The following PPP2R2B variants were observed in gnomAD, a reference collection of about 807,000 sequenced individuals.
PPP2R2B encodes serine/threonine-protein phosphatase 2A 55 kDa regulatory subunit B beta isoform.
PPP2R2B carries 5 observed loss-of-function variants against 46.0 expected under a neutral mutation model. The ratio of observed to expected loss-of-function variants is 0.11; its 90% CI spans 0.06 to 0.23. The LOEUF (loss-of-function observed/expected upper bound fraction) is 0.23, where lower values mean the gene tolerates loss of function less well. PPP2R2B is among the 10% of genes least tolerant of loss of function. The probability of loss-of-function intolerance (pLI) is 1.00; values close to 1 mark genes in which losing one functional copy is unlikely to be tolerated. For synonymous variants in PPP2R2B, 215 were observed against 206.7 expected, an observed-to-expected ratio of 1.04 and a Z score of -0.34; for missense variants, 367 against 575.0, an observed-to-expected ratio of 0.64 and a Z score of 3.70.
At chr5:147,057,626 A>C (rs1197994210), upstream of PPP2R2B, among the ~76,000 whole-genome samples, 1 of 152,248 alleles carries the variant, frequency 6.6e-6, no homozygotes, top group African/African-American at 2.4e-5. Context: ...AAGAAGTGAG[A>C]CAATAGGCAT....
At chr5:146,618,789 C>T (rs943452923) in intron 7 of PPP2R2B, among the ~76,000 whole-genome samples, 4 of 152,140 alleles carry the variant, frequency 2.6e-5, no homozygotes, top group African/African-American at 4.8e-5. Context: ...ACCCATAAGC[C>T]GACACAGTTC....
intron 2 of PPP2R2B, among the ~76,000 whole-genome samples, chr5:146,807,776 CTTTTTTTTTTTTTTTTTTT>C (rs10583721): frequency 0.037 from 1,353 of 36,946 alleles, 37 homozygotes; most frequent in South Asian, 0.08. Context: ...GGGGTGCCTT[CTTTTTTTTTTTTTTTTTTT>C]TTTTTTTTTT....
intron 5 of PPP2R2B, among the ~76,000 whole-genome samples, chr5:146,677,009 A>G (rs1017793664): frequency 6.6e-6 from 1 of 151,514 alleles, no homozygotes; most frequent in Non-Finnish European, 1.5e-5. Flanking sequence ...TGTCACTTCT[A>G]TCTTAATCTC....
intron 2 of PPP2R2B, among the ~76,000 whole-genome samples, chr5:146,790,083 G>T (rs1336080628): frequency 6.6e-6 from 1 of 152,230 alleles, no homozygotes; most frequent in African/African-American, 2.4e-5. Context: ...CCAGGGGGCA[G>T]GAAATAATGT....
At chr5:146,990,878 A>T (rs1213124555) in intron 1 of PPP2R2B, among the ~76,000 whole-genome samples, 1 of 152,094 alleles carries the variant, frequency 6.6e-6, no homozygotes, top group Admixed American at 6.5e-5. Flanking sequence ...GAAAGAACAA[A>T]AACTAAATAA....
intron 9 of PPP2R2B, chr5:146,592,116 C>G: frequency 2.3e-6 from 1 of 444,274 alleles, no homozygotes; most frequent in Non-Finnish European, 4.5e-6. Context: ...TCTTATGTCA[C>G]AGTTGCTTTG....
intron 5 of PPP2R2B, among the ~76,000 whole-genome samples, chr5:146,655,186 C>T (rs460881): frequency 0.76 from 114,997 of 152,172 alleles, 44,889 homozygotes; most frequent in Non-Finnish European, 0.86. Context: ...TTTCAAAGGA[C>T]GCACATCCCA....
At position 146,758,618 on chromosome 5, in the gene PPP2R2B, A is replaced by G. The variant is rs114339387; in HGVS notation, c.71-57476T>C. On this transcript the variant is annotated intron_variant, in intron 2 of 9. Coordinates refer to ENST00000394411, the MANE Select transcript of PPP2R2B (RefSeq NM_181675.4). ...CATGAGACGCCACAAACTTTGTCTGATTTTTCCCCATCCTGAATCCTTAGC... is the reference window on the plus strand; with the variant it reads ...CATGAGACGCCACAAACTTTGTCTGGTTTTTCCCCATCCTGAATCCTTAGC... Among the ~76,000 whole-genome samples the G allele has an allele frequency of 6.3e-3, 956 of 152,188 alleles. 14 individuals carry two copies. Among genetic ancestry groups the G allele is most frequent in the African/African-American group, 0.022 (902 of 41,506 alleles).
In PPP2R2B at chr5:147,071,493, A is replaced by G. The variant is rs79969648; in HGVS notation, c.50+9566T>C. Among the ~76,000 whole-genome samples, 1,387 of 152,132 alleles carry G rather than the reference A, an allele frequency of 9.1e-3. 16 individuals carry two copies. The highest frequency in any genetic ancestry group is 0.032 in the African/African-American group (1,334 of 41,496). Reference sequence around the variant, plus strand: ...CCATCATCTGTCTCCATCTTTCACAACTTCCTCCTTTGCCTACTCAACTTC... The same window carrying G: ...CCATCATCTGTCTCCATCTTTCACAGCTTCCTCCTTTGCCTACTCAACTTC... On this transcript the variant is annotated intron_variant, in intron 2 of 10. Transcript: ENST00000394413.
chr5:146,743,510 T>G lies in PPP2R2B; in HGVS notation c.71-42368A>C, dbSNP rs555986142. ...TAATGAGAAGGAATTGGGATTAAATTTAGCTTAGTGACTCTGATGGCAATT... is the reference window on the plus strand; with the variant it reads ...TAATGAGAAGGAATTGGGATTAAATGTAGCTTAGTGACTCTGATGGCAATT... On this transcript the variant is annotated intron_variant, in intron 2 of 9. Coordinates refer to ENST00000394411, the MANE Select transcript of PPP2R2B (RefSeq NM_181675.4). Among the ~76,000 whole-genome samples the G allele has an allele frequency of 2.0e-5, 3 of 152,328 alleles. No individual in the cohort carries two copies. In the East Asian group the frequency reaches 5.8e-4, roughly 29 times the overall value.
At chr5:146,859,666 A>G (rs1162298196) in intron 2 of PPP2R2B, among the ~76,000 whole-genome samples, 2 of 152,196 alleles carry the variant, frequency 1.3e-5, no homozygotes, top group African/African-American at 4.8e-5. Context: ...CCCCCAGATA[A>G]GTTCATGTTG....
chr5:147,069,785 G>GTTTTTTTTTTTTTTTTTTTTTTTTTTTT lies in PPP2R2B; in HGVS notation c.50+11273_50+11274insAAAAAAAAAAAAAAAAAAAAAAAAAAAA, dbSNP rs540998224. On this transcript the variant is annotated intron_variant, in intron 2 of 10. Coordinates refer to the PPP2R2B transcript ENST00000394413. ...CTCCCACATGAACACATTTTATACTGTTTTTTTTTTTTTTTTTTTTTTTGA... is the reference window on the plus strand; with the variant it reads ...CTCCCACATGAACACATTTTATACTGTTTTTTTTTTTTTTTTTTTTTTTTTTTTTTTTTTTTTTTTTTTTTTTTTTTGA... Among the ~76,000 whole-genome samples, 11 of 64,788 alleles carry GTTTTTTTTTTTTTTTTTTTTTTTTTTTT rather than the reference G, an allele frequency of 1.7e-4. 3 individuals carry two copies. Among genetic ancestry groups the GTTTTTTTTTTTTTTTTTTTTTTTTTTTT allele is most frequent in the African/African-American group, 8.3e-4 (11 of 13,260 alleles). 42.5% of individuals were successfully genotyped at this position (64,788 alleles called of 152,430 possible). A position where few individuals can be genotyped will look rare whatever the true frequency, so the allele number is the denominator to read the frequency against.
intron 2 of PPP2R2B, among the ~76,000 whole-genome samples, chr5:146,813,104 C>G (rs933647924): frequency 1.3e-4 from 19 of 150,866 alleles, no homozygotes; most frequent in African/African-American, 4.4e-4. Context: ...TCTACATATA[C>G]ATATACTATG....
chr5:147,049,478 A>C (rs570225617), intron 1 of PPP2R2B, among the ~76,000 whole-genome samples: 44 of 152,244 alleles, frequency 2.9e-4, no homozygotes, highest in African/African-American at 9.6e-4. Flanking sequence ...TCTGCATTTT[A>C]GGTGAGAGAT....
chr5:146,844,910 C>G (rs1321436607), intron 2 of PPP2R2B, among the ~76,000 whole-genome samples: 4 of 152,310 alleles, frequency 2.6e-5, no homozygotes, highest in Admixed American at 6.5e-5. Flanking sequence ...TCTTCCTAAT[C>G]AAGAAGCCCC....
intron 7 of PPP2R2B, among the ~76,000 whole-genome samples, chr5:146,625,021 G>T (rs1250461253): frequency 1.3e-5 from 2 of 152,200 alleles, no homozygotes; most frequent in African/African-American, 4.8e-5. Context: ...AGGGCAGGGG[G>T]CATGATTTTC....
At chr5:146,744,672 C>A (rs1335597794) in intron 2 of PPP2R2B, among the ~76,000 whole-genome samples, 1 of 152,170 alleles carries the variant, frequency 6.6e-6, no homozygotes, top group Non-Finnish European at 1.5e-5. Context: ...ATCAGAAGAG[C>A]CTAAGAAGGG....
At chr5:146,943,821 C>T (rs530206148) in intron 1 of PPP2R2B, among the ~76,000 whole-genome samples, 36 of 152,286 alleles carry the variant, frequency 2.4e-4, no homozygotes, top group African/African-American at 7.9e-4. Flanking sequence ...AATATCCCTT[C>T]GTATCTCTTT....
intron 7 of PPP2R2B, among the ~76,000 whole-genome samples, chr5:146,601,504 C>A (rs893992057): frequency 1.3e-5 from 2 of 152,084 alleles, no homozygotes; most frequent in East Asian, 3.9e-4. Context: ...TACTATTGGG[C>A]CACTGCACCC....
Sources: allele counts gnomAD v4.1 joint callset (sites outside exome capture counted in the v4.1 genomes callset), GRCh38; gene constraint gnomAD v4.1.1; transcripts MANE v1.5; gene names NCBI Gene and HGNC (gene_info 2026-07-23, HGNC 2026-07-21).